The following SCHIP1 variants were observed in gnomAD, a reference collection of about 807,000 sequenced individuals.
SCHIP1 encodes the protein schwannomin-interacting protein 1.
A neutral mutation model predicts 29.7 loss-of-function variants in SCHIP1; 8 were observed. That is an observed-to-expected ratio of 0.27 (90% confidence interval 0.16 to 0.49). The LOEUF (loss-of-function observed/expected upper bound fraction) is 0.49, where lower values mean the gene tolerates loss of function less well. Ranked by LOEUF, SCHIP1 falls within the 20% of genes least tolerant of loss-of-function variation. The probability of loss-of-function intolerance (pLI) is 0.99; values close to 1 mark genes in which losing one functional copy is unlikely to be tolerated. For synonymous variants in SCHIP1, 76 were observed against 94.9 expected (o/e 0.80, Z 1.16); for missense variants, 193 against 294.6 (o/e 0.66, Z 2.52).
the SCHIP1 span, among the ~76,000 whole-genome samples, chr3:159,608,674 G>A: frequency 6.6e-6 from 1 of 152,168 alleles, no homozygotes; most frequent in African/African-American, 2.4e-5. Flanking sequence ...TACAAAGAAA[G>A]TTTGGAGACC....
At chr3:159,487,871 C>G in the SCHIP1 span, among the ~76,000 whole-genome samples, 1 of 152,188 alleles carries the variant, frequency 6.6e-6, no homozygotes, top group Non-Finnish European at 1.5e-5. Flanking sequence ...CTTTTAAAGT[C>G]TCTGTTAAAT....
At chr3:159,852,146 G>C (rs952738362) in intron 1 of SCHIP1, among the ~76,000 whole-genome samples, 9 of 152,222 alleles carry the variant, frequency 5.9e-5, no homozygotes, top group African/African-American at 2.2e-4. Context: ...GAGCATGTCA[G>C]CAGCAGTTCA....
At chr3:159,634,252 G>A in the SCHIP1 span, among the ~76,000 whole-genome samples, 1 of 152,158 alleles carries the variant, frequency 6.6e-6, no homozygotes, top group Non-Finnish European at 1.5e-5. Flanking sequence ...AGTTGCAATG[G>A]ATTGCCTCTG....
the SCHIP1 span, among the ~76,000 whole-genome samples, chr3:159,351,767 T>C: frequency 6.6e-6 from 1 of 152,106 alleles, no homozygotes; most frequent in Non-Finnish European, 1.5e-5. Flanking sequence ...TCATAGACCA[T>C]AGGAGCTGAA....
the SCHIP1 span, among the ~76,000 whole-genome samples, chr3:159,773,663 GA>G: frequency 6.6e-6 from 1 of 152,068 alleles, no homozygotes; most frequent in African/African-American, 2.4e-5. Flanking sequence ...TCATTTTGTT[GA>G]TTTTTTTCTT....
At chr3:159,398,734 C>T in the SCHIP1 span, 1 of 152,078 alleles carries the variant, frequency 6.6e-6, no homozygotes, top group Non-Finnish European at 1.5e-5. Flanking sequence ...GATTAGGAGA[C>T]TCAAAAATGA....
the SCHIP1 span, among the ~76,000 whole-genome samples, chr3:159,588,671 C>A: frequency 6.6e-6 from 1 of 152,192 alleles, no homozygotes; most frequent in Non-Finnish European, 1.5e-5. Context: ...CCAGTTTCAG[C>A]TTTCTACATA....
the SCHIP1 span, among the ~76,000 whole-genome samples, chr3:159,692,306 T>C: frequency 7.9e-5 from 12 of 152,356 alleles, no homozygotes; most frequent in African/African-American, 2.9e-4. Flanking sequence ...CTGGATAATA[T>C]CCTGCAGAGT....
chr3:159,356,138 G>A, the SCHIP1 span, among the ~76,000 whole-genome samples: 1 of 151,898 alleles, frequency 6.6e-6, no homozygotes, highest in Admixed American at 6.6e-5. Context: ...CAGTGCACCA[G>A]CATGGCACAT....
At chr3:159,484,265 G>A in the SCHIP1 span, among the ~76,000 whole-genome samples, 4 of 152,240 alleles carry the variant, frequency 2.6e-5, no homozygotes, top group East Asian at 1.9e-4. Context: ...AAAACGTTAC[G>A]ATTTTATTGA....
the SCHIP1 span, among the ~76,000 whole-genome samples, chr3:159,627,395 T>C: frequency 2.6e-5 from 4 of 152,176 alleles, no homozygotes; most frequent in African/African-American, 4.8e-5. Flanking sequence ...GAAAACAACA[T>C]TTACTTGGCA....
At chr3:159,477,353 C>T in the SCHIP1 span, among the ~76,000 whole-genome samples, 2 of 152,196 alleles carry the variant, frequency 1.3e-5, no homozygotes, top group East Asian at 3.9e-4. Flanking sequence ...TTCTGAGGAA[C>T]CCCCATATCA....
chr3:159,443,532 C>A, the SCHIP1 span, among the ~76,000 whole-genome samples: 1 of 151,714 alleles, frequency 6.6e-6, no homozygotes. Flanking sequence ...TTTTTTGAGA[C>A]GGAGTCTTGC....
chr3:159,595,888 T>G, the SCHIP1 span, among the ~76,000 whole-genome samples: 1 of 151,972 alleles, frequency 6.6e-6, no homozygotes, highest in South Asian at 2.1e-4. Flanking sequence ...AAATGAGCCC[T>G]AGGCCAAGGA....
chr3:159,689,983 T>A, the SCHIP1 span, among the ~76,000 whole-genome samples: 1 of 152,232 alleles, frequency 6.6e-6, no homozygotes, highest in Non-Finnish European at 1.5e-5. Flanking sequence ...TTTGATGTGC[T>A]GCTGGATTCA....
the SCHIP1 span, among the ~76,000 whole-genome samples, chr3:159,734,004 T>C: frequency 6.6e-6 from 1 of 152,164 alleles, no homozygotes; most frequent in Admixed American, 6.5e-5. Flanking sequence ...CTTCATTTTG[T>C]ACCAAGCAAA....
intron 6 of SCHIP1, among the ~76,000 whole-genome samples, chr3:159,895,858 G>C (rs1718009373): frequency 6.6e-6 from 1 of 152,114 alleles, no homozygotes; most frequent in African/African-American, 2.4e-5. Context: ...ACCATGCCCA[G>C]CTAATTTTTG....
chr3:159,730,654 T>C, the SCHIP1 span, among the ~76,000 whole-genome samples: 1 of 152,294 alleles, frequency 6.6e-6, no homozygotes, highest in Non-Finnish European at 1.5e-5. Context: ...AAGATATTCC[T>C]TTGACCTCTT....
At chr3:159,814,348 G>A in the SCHIP1 span, among the ~76,000 whole-genome samples, 1 of 152,142 alleles carries the variant, frequency 6.6e-6, no homozygotes, top group Non-Finnish European at 1.5e-5. Flanking sequence ...TCCCTCACAG[G>A]TGTTGCCCCA....
Sources: gnomAD v4.1 joint callset for allele counts (sites outside exome capture counted in the v4.1 genomes callset) on GRCh38, gnomAD v4.1.1 for gene constraint, MANE v1.5 for transcripts, NCBI Gene and HGNC (gene_info 2026-07-23, HGNC 2026-07-21) for gene names.